SEL1L3: variants seen among roughly 807,000 people sequenced by gnomAD.
SEL1L3 encodes protein sel-1 homolog 3.
In SEL1L3, 76 loss-of-function variants were observed where a neutral mutation model predicts 142.8. The observed-to-expected ratio is 0.53, with a 90% CI of 0.44 to 0.64. The LOEUF is 0.64. SEL1L3 is among the 30% of genes least tolerant of loss of function. The pLI is 0.00. For missense variants in SEL1L3, 1,262 were observed against 1,381.7 expected (o/e 0.91, Z 1.37); for synonymous variants, 504 against 519.6 (o/e 0.97, Z 0.41).
chr4:25,734,456 C>A, the SEL1L3 span, among the ~76,000 whole-genome samples: 1 of 152,110 alleles, frequency 6.6e-6, no homozygotes, highest in Non-Finnish European at 1.5e-5. Flanking sequence ...TTAATTATAT[C>A]GATTGGTTTT....
intron 13 of SEL1L3, among the ~76,000 whole-genome samples, chr4:25,787,776 TC>T (rs1403459833): frequency 1.3e-5 from 2 of 152,228 alleles, no homozygotes; most frequent in African/African-American, 4.8e-5. Flanking sequence ...CACGCTTGTC[TC>T]CTAGGCTCTT....
At chr4:25,804,773 A>G in intron 9 of SEL1L3, 21 bp from the exon 10 acceptor site, 1 of 1,512,656 alleles carries the variant, frequency 6.6e-7, no homozygotes, top group South Asian at 1.1e-5. Flanking sequence ...CACAATTCAG[A>G]GCACACACAA....
chr4:25,717,921 C>T, the SEL1L3 span, among the ~76,000 whole-genome samples: 1 of 152,116 alleles, frequency 6.6e-6, no homozygotes, highest in Non-Finnish European at 1.5e-5. Flanking sequence ...GTCCCTAAGA[C>T]CAACGGATGA....
chr4:25,790,382 T>C (rs1407443124), intron 12 of SEL1L3, 73 bp downstream of exon 12: 1 of 1,426,552 alleles, frequency 7.0e-7, no homozygotes, highest in Non-Finnish European at 9.9e-7. Context: ...CAGTTTGAGA[T>C]GTTTCATTAC....
chr4:25,833,378 GAC>G (rs1035847765), intron 4 of SEL1L3, 68 bp downstream of exon 4: 2 of 1,427,450 alleles, frequency 1.4e-6, no homozygotes, highest in African/African-American at 2.8e-5. Context: ...ATTCTAGACA[GAC>G]ATATCTGTCA....
At chr4:25,854,566 C>T (rs1319193556) in intron 1 of SEL1L3, among the ~76,000 whole-genome samples, 3 of 152,236 alleles carry the variant, frequency 2.0e-5, no homozygotes, top group Admixed American at 6.5e-5. Context: ...CATGAGCCTA[C>T]AGCGCCTGGC....
At chr4:25,849,246 C>G (rs899074628) in intron 1 of SEL1L3, among the ~76,000 whole-genome samples, 2 of 152,188 alleles carry the variant, frequency 1.3e-5, no homozygotes, top group Non-Finnish European at 2.9e-5. Context: ...GTGTTCATAA[C>G]AGCATTACTC....
chr4:25,833,118 G>C lies in SEL1L3; in HGVS notation c.983-8C>G, dbSNP rs1389869679. The C allele has an allele frequency of 2.7e-6, 4 of 1,508,474 alleles. No homozygotes were observed. The highest frequency in any genetic ancestry group is 1.8e-6 in the Non-Finnish European group (2 of 1,084,596). 93.4% of individuals were successfully genotyped at this position (1,508,474 alleles called of 1,614,324 possible). A position where few individuals can be genotyped will look rare whatever the true frequency, so the allele number is the denominator to read the frequency against. On this transcript the variant is annotated splice_polypyrimidine_tract_variant and splice_region_variant and intron_variant, in intron 4 of 23. Transcript: ENST00000399878. ...TCTGAATATGCAAATAGCCTAAAAG[G>C]AAAATTCGAGCACATGAAAATGAGC...
the SEL1L3 span, among the ~76,000 whole-genome samples, chr4:25,727,823 T>C: frequency 6.6e-6 from 1 of 151,910 alleles, no homozygotes; most frequent in African/African-American, 2.4e-5. Flanking sequence ...AGGGGAGAGA[T>C]TGGGTGCCTG....
chr4:25,756,248 T>TA (rs1717950149), intron 23 of SEL1L3: 1 of 985,364 alleles, frequency 1.0e-6, no homozygotes, highest in Non-Finnish European at 1.2e-6. Context: ...TCCGAGATGG[T>TA]AAAAAATCAG....
the SEL1L3 span, chr4:25,721,172 T>G: frequency 6.6e-6 from 1 of 152,080 alleles, no homozygotes; most frequent in African/African-American, 2.4e-5. Flanking sequence ...TGGTCTCAGA[T>G]TTGCATGAGA....
rs182356450 is a variant in SEL1L3, at chr4:25,748,204, A to G, written c.*221T>C. ...AACTTCCCCACATGCCCTATGATCA[A>G]GATGTTCCTTGTATGTGTTTGATGA... is the stretch of plus-strand genomic sequence containing the variant. On this transcript the variant is annotated 3_prime_UTR_variant, in exon 24 of 24. Transcript: ENST00000399878. 58 of 536,670 alleles carry G rather than the reference A, an allele frequency of 1.1e-4. No individual in the cohort carries two copies. Among genetic ancestry groups the G allele is most frequent in the East Asian group, 9.9e-4 (31 of 31,464 alleles). The allele number at this position is 536,670 out of a possible 1,614,324, so 33.2% of individuals were successfully genotyped here.
chr4:25,820,226 C>G (rs1714662181), intron 7 of SEL1L3, among the ~76,000 whole-genome samples: 1 of 152,226 alleles, frequency 6.6e-6, no homozygotes, highest in Admixed American at 6.5e-5. Context: ...TGGCTGCACT[C>G]TGTCCCTAGA....
At chr4:25,811,007 C>G (rs548452190) in intron 9 of SEL1L3, among the ~76,000 whole-genome samples, 57 of 152,292 alleles carry the variant, frequency 3.7e-4, no homozygotes, top group Non-Finnish European at 5.0e-4. Flanking sequence ...CAGCTGTCAA[C>G]TCTCAATGAG....
At chr4:25,794,238 C>A (rs1384634441) in intron 11 of SEL1L3, among the ~76,000 whole-genome samples, 2 of 152,164 alleles carry the variant, frequency 1.3e-5, no homozygotes, top group African/African-American at 4.8e-5. Flanking sequence ...AAACAACAAA[C>A]CTACAGAATG....
At chr4:25,808,988 G>A (rs1168148866) in intron 9 of SEL1L3, among the ~76,000 whole-genome samples, 1 of 148,552 alleles carries the variant, frequency 6.7e-6, no homozygotes, top group Non-Finnish European at 1.5e-5. Flanking sequence ...CAGGAGAATG[G>A]CGTGAACCCG....
rs1343186494 is a variant in SEL1L3 at position 25,759,163 on chromosome 4, A to T, written c.2956-95T>A. 11 of 1,399,998 alleles carry T rather than the reference A, an allele frequency of 7.9e-6. No homozygotes were observed. In the Admixed American group the frequency reaches 1.2e-4, roughly 15 times the overall value. 86.7% of individuals were successfully genotyped at this position (1,399,998 alleles called of 1,614,324 possible). A position where few individuals can be genotyped will look rare whatever the true frequency, so the allele number is the denominator to read the frequency against. On this transcript the variant is annotated intron_variant, in intron 20 of 23. Transcript: ENST00000399878. ...AATGTAAATGTTTACAACCTCTAAA[A>T]TTTTTTTTAAGTCTCTAGAGCCAGA...
At chr4:25,805,025 AG>A (rs1168088590) in intron 9 of SEL1L3, among the ~76,000 whole-genome samples, 3 of 152,150 alleles carry the variant, frequency 2.0e-5, no homozygotes, top group African/African-American at 7.2e-5. Context: ...GCCTCAAGAG[AG>A]TAATTTACTC....
chr4:25,764,267 A>C (rs1718573623), intron 20 of SEL1L3, among the ~76,000 whole-genome samples: 1 of 152,212 alleles, frequency 6.6e-6, no homozygotes, highest in Admixed American at 6.5e-5. Context: ...ATTGGAAAGA[A>C]ATATACAACT....
Sources: allele counts gnomAD v4.1 joint callset (sites outside exome capture counted in the v4.1 genomes callset), GRCh38; gene constraint gnomAD v4.1.1; transcripts MANE v1.5; gene names NCBI Gene and HGNC (gene_info 2026-07-23, HGNC 2026-07-21).